NPTN: variants seen among roughly 807,000 people sequenced by gnomAD.
The protein encoded by NPTN is SDR-1.
NPTN carries 5 observed loss-of-function variants against 42.7 expected under a neutral mutation model. The ratio of observed to expected loss-of-function variants is 0.12; its 90% CI spans 0.06 to 0.25. The LOEUF (loss-of-function observed/expected upper bound fraction) is 0.25. NPTN is among the 10% of genes least tolerant of loss of function. NPTN has a pLI of 1.00. For synonymous variants in NPTN, 180 were observed against 201.9 expected, an observed-to-expected ratio of 0.89 and a Z score of 0.92; for missense variants, 307 against 525.4, an observed-to-expected ratio of 0.58 and a Z score of 4.06.
At chr15:73,568,222 G>C in intron 6 of NPTN, 1 of 985,444 alleles carries the variant, frequency 1.0e-6, no homozygotes, top group Non-Finnish European at 1.2e-6. Flanking sequence ...TCATAAGCGC[G>C]GTGACTTCTT....
At chr15:73,612,250 G>A (rs1897618881) in intron 1 of NPTN, among the ~76,000 whole-genome samples, 1 of 151,978 alleles carries the variant, frequency 6.6e-6, no homozygotes, top group East Asian at 1.9e-4. Context: ...GAGACCCTGT[G>A]TCTTACAAAA....
At chr15:73,592,226 A>G (rs946856433) in intron 2 of NPTN, 89 bp from the exon 3 acceptor site, 2 of 1,157,102 alleles carry the variant, frequency 1.7e-6, no homozygotes, top group Non-Finnish European at 2.4e-6. Context: ...GGAGGGGGAA[A>G]CTAGAAAAAG....
chr15:73,588,439 G>T (rs115750851), intron 3 of NPTN, among the ~76,000 whole-genome samples: 4,407 of 152,058 alleles, frequency 0.029, 244 homozygotes, highest in African/African-American at 0.1. Flanking sequence ...TAAAGAAAAA[G>T]AAAAAAATCT....
intron 4 of NPTN, among the ~76,000 whole-genome samples, chr15:73,578,319 G>T (rs887065234): frequency 6.6e-6 from 1 of 152,122 alleles, no homozygotes; most frequent in Non-Finnish European, 1.5e-5. Flanking sequence ...AGCAGTGGAA[G>T]CAAGACCAAG....
At chr15:73,602,516 A>G (rs1390275419) in intron 1 of NPTN, among the ~76,000 whole-genome samples, 1 of 152,254 alleles carries the variant, frequency 6.6e-6, no homozygotes, top group Non-Finnish European at 1.5e-5. Flanking sequence ...TCAAATGTCT[A>G]AAGGACCCTT....
intron 4 of NPTN, among the ~76,000 whole-genome samples, chr15:73,583,918 G>A (rs895447730): frequency 2.0e-5 from 3 of 152,172 alleles, no homozygotes; most frequent in African/African-American, 7.2e-5. Flanking sequence ...TAGCCAGTCT[G>A]GATTAATATG....
chr15:73,608,806 G>A (rs1389475689), intron 1 of NPTN, among the ~76,000 whole-genome samples: 1 of 152,212 alleles, frequency 6.6e-6, no homozygotes. Flanking sequence ...ACAGACATGA[G>A]AAATGTTTAC....
chr15:73,572,949 C>T (rs760746955), intron 5 of NPTN, among the ~76,000 whole-genome samples: 9 of 152,010 alleles, frequency 5.9e-5, no homozygotes, highest in African/African-American at 1.2e-4. Context: ...TCTCATGAGA[C>T]CCGGTTGTTT....
At chr15:73,609,546 G>A (rs1378645434) in intron 1 of NPTN, among the ~76,000 whole-genome samples, 2 of 152,102 alleles carry the variant, frequency 1.3e-5, no homozygotes, top group East Asian at 1.9e-4. Context: ...CAGGAGAATC[G>A]CTTGAACCCA....
chr15:73,567,845 T>C (rs1020092777), intron 6 of NPTN: 1 of 985,374 alleles, frequency 1.0e-6, no homozygotes, highest in East Asian at 1.1e-4. Context: ...TTCCAGCATC[T>C]CAGATTTTTC....
chr15:73,615,850 G>A (rs1897836497), intron 1 of NPTN, among the ~76,000 whole-genome samples: 2 of 152,094 alleles, frequency 1.3e-5, no homozygotes, highest in South Asian at 4.2e-4. Flanking sequence ...ACGCCCCTAA[G>A]ATTTTCTTCC....
At position 73,568,918 on chromosome 15, in the gene NPTN, G is replaced by A. The variant is rs1300371963; in HGVS notation, c.1114+1232C>T. ...GGAAGGGGCTGTTGCTCTCAAACAT[G>A]TCCTCCCAGAGAGTCTAAAGCCACT... On this transcript the variant is annotated intron_variant, in intron 6 of 8. Coordinates refer to ENST00000345330, the MANE Select transcript of NPTN (RefSeq NM_012428.4). 3.7e-5 allele frequency: 36 copies of A among 985,380 alleles called. No homozygotes were observed. In the Admixed American group the frequency reaches 2.0e-3, roughly 56 times the overall value. The allele number at this position is 985,380 out of a possible 1,614,324, so 61.0% of individuals were successfully genotyped here. A position where few individuals can be genotyped will look rare whatever the true frequency, so the allele number is the denominator to read the frequency against.
At chr15:73,596,253 G>C (rs998265077) in intron 2 of NPTN, among the ~76,000 whole-genome samples, 1 of 152,228 alleles carries the variant, frequency 6.6e-6, no homozygotes. Flanking sequence ...CTAATTAGCA[G>C]GCCCAGTGAG....
intron 1 of NPTN, among the ~76,000 whole-genome samples, chr15:73,612,509 T>A: frequency 6.6e-6 from 1 of 151,506 alleles, no homozygotes; most frequent in Non-Finnish European, 1.5e-5. Flanking sequence ...GGCTCATGCC[T>A]ATAATCCCAG....
intron 3 of NPTN, among the ~76,000 whole-genome samples, chr15:73,588,903 G>A (rs1398546369): frequency 6.6e-6 from 1 of 152,152 alleles, no homozygotes; most frequent in African/African-American, 2.4e-5. Flanking sequence ...ATCCCATACC[G>A]AGTACCTAGC....
chr15:73,566,324 TA>T (rs1895002767), intron 6 of NPTN, among the ~76,000 whole-genome samples: 1 of 152,194 alleles, frequency 6.6e-6, no homozygotes, highest in Admixed American at 6.5e-5. Flanking sequence ...CTAAAGTGTC[TA>T]AAAGAGCTTG....
chr15:73,577,197 T>C (rs1895746089), intron 4 of NPTN, among the ~76,000 whole-genome samples: 1 of 152,202 alleles, frequency 6.6e-6, no homozygotes, highest in African/African-American at 2.4e-5. Context: ...CACACAAGCC[T>C]TGGAATCCTA....
At chr15:73,616,873 A>C (rs1211703342) in intron 1 of NPTN, among the ~76,000 whole-genome samples, 3 of 152,204 alleles carry the variant, frequency 2.0e-5, no homozygotes, top group Admixed American at 6.5e-5. Flanking sequence ...CTAAGATATT[A>C]AATGTGTGAA....
chr15:73,562,848 C>A (rs1048480014), intron 7 of NPTN, among the ~76,000 whole-genome samples: 1 of 152,154 alleles, frequency 6.6e-6, no homozygotes, highest in Non-Finnish European at 1.5e-5. Context: ...CATAAAAAAA[C>A]ATTCCTTAAG....
Sources: gnomAD v4.1 joint callset for allele counts (sites outside exome capture counted in the v4.1 genomes callset) on GRCh38, gnomAD v4.1.1 for gene constraint, MANE v1.5 for transcripts, NCBI Gene and HGNC (gene_info 2026-07-23, HGNC 2026-07-21) for gene names.